The following DST variants were observed in gnomAD, a reference collection of about 807,000 sequenced individuals.
DST encodes the protein dystonin.
A neutral mutation model predicts 875.2 loss-of-function variants in DST; 253 were observed. That is an observed-to-expected ratio of 0.29 (90% CI 0.26 to 0.32). The LOEUF is 0.32. Among genes scored for constraint, DST ranks in the 10% least tolerant of loss-of-function variants. DST has a pLI of 1.00. For missense variants in DST, 8,287 were observed against 9,111.6 expected, an observed-to-expected ratio of 0.91 and a Z score of 3.68; for synonymous variants, 3,124 against 3,197.1, an observed-to-expected ratio of 0.98 and a Z score of 0.77.
chr6:56,532,910 G>T (rs2096921715), intron 63 of DST, among the ~76,000 whole-genome samples: 1 of 152,086 alleles, frequency 6.6e-6, no homozygotes, highest in Non-Finnish European at 1.5e-5. Context: ...GATACAAAAG[G>T]TTCCTATAAA....
In DST at chr6:56,476,129, T is replaced by G. The variant is rs769404548; in HGVS notation, c.21864+20A>C. On this transcript the variant is annotated intron_variant, in intron 92 of 103. Transcript: ENST00000680361. Reference sequence around the variant, plus strand: ...ATCTGAGATAATGGTTAACAGGAGTTAGGATTATATTTATTTTACCTGGTG... The same window carrying G: ...ATCTGAGATAATGGTTAACAGGAGTGAGGATTATATTTATTTTACCTGGTG... 2.5e-5 allele frequency: 40 copies of G among 1,572,876 alleles called. No homozygotes were observed. The highest frequency in any genetic ancestry group is 3.3e-5 in the Non-Finnish European group (38 of 1,155,490).
intron 15 of DST, 185 bp from the exon 16 acceptor site, chr6:56,642,688 A>G: frequency 6.2e-7 from 1 of 1,614,158 alleles, no homozygotes; most frequent in Non-Finnish European, 8.5e-7. Context: ...ACCACAATGA[A>G]CCAAGAGAAG....
At chr6:56,919,526 C>T (rs891544041) in intron 2 of DST, among the ~76,000 whole-genome samples, 3 of 151,928 alleles carry the variant, frequency 2.0e-5, no homozygotes, top group Non-Finnish European at 4.4e-5. Flanking sequence ...CAGAAAATTC[C>T]AAAATATAAA....
At chr6:56,650,085 T>C (rs1027803407) in intron 12 of DST, among the ~76,000 whole-genome samples, 2 of 151,842 alleles carry the variant, frequency 1.3e-5, no homozygotes, top group East Asian at 3.9e-4. Flanking sequence ...AGGAAGAATA[T>C]GGAAACAGGT....
chr6:56,501,343 C>T (rs1001215428), intron 79 of DST, 108 bp from the exon 80 acceptor site: 35 of 1,275,314 alleles, frequency 2.7e-5, no homozygotes, highest in African/African-American at 1.4e-4. Flanking sequence ...AGTCCATAAA[C>T]GTATCCAGTG....
At chr6:56,576,308 G>C (rs552825107) in intron 50 of DST, among the ~76,000 whole-genome samples, 2 of 152,236 alleles carry the variant, frequency 1.3e-5, no homozygotes, top group Non-Finnish European at 2.9e-5. Flanking sequence ...TGTAAGTAAA[G>C]TCTTTCTCTG....
intron 9 of DST, among the ~76,000 whole-genome samples, chr6:56,682,715 T>C (rs2099162766): frequency 6.6e-6 from 1 of 152,350 alleles, no homozygotes; most frequent in South Asian, 2.1e-4. Context: ...ACCAGACATA[T>C]GCCTGCTCAT....
rs192204809 is a variant in DST at position 56,808,971 on chromosome 6, G to A, written c.625+42426C>T. Among the ~76,000 whole-genome samples the A allele has an allele frequency of 1.5e-4, 23 of 152,204 alleles. No individual in the cohort carries two copies. In the East Asian group the frequency reaches 3.5e-3, roughly 23 times the overall value. On this transcript the variant is annotated intron_variant, in intron 4 of 103. Transcript: ENST00000680361. ...CTGCCTAATGTGAATCCCACAGTGCGGTGCAGCCTTCCTCATCACCCACAC... is the reference window on the plus strand; with the variant it reads ...CTGCCTAATGTGAATCCCACAGTGCAGTGCAGCCTTCCTCATCACCCACAC...
In DST at chr6:56,735,033, C is replaced by T. The variant is rs1008403166; in HGVS notation, c.687+195G>A. The T allele has an allele frequency of 5.5e-6, 3 of 548,550 alleles. No homozygotes were observed. In the African/African-American group the frequency reaches 5.8e-5, roughly 11 times the overall value. The allele number at this position is 548,550 out of a possible 1,614,324, so 34.0% of individuals were successfully genotyped here. On this transcript the variant is annotated intron_variant, in intron 5 of 103. Transcript: ENST00000680361. The stretch of plus-strand genomic sequence containing the variant: ...TGCACTGAAATCACTGGGTACTTAC[C>T]TATCCACCTCCATCATTACCCACCG...
chr6:56,645,891 T>G lies in DST; in HGVS notation c.1753A>C (p.Lys585Gln). The change falls in exon 15 of 104, where the codon AAG becomes CAG. Residue 585 changes from lysine (K) to glutamine (Q), a missense_variant. Lys to Gln is a moderately conservative substitution (Grantham distance 53). Transcript: ENST00000680361. The stretch of plus-strand genomic sequence containing the variant: ...CTTTCTACTTCTGGACGAAGGGCCT[T>G]CTCTCTCTCTAGCATGGCAATAATG... Reference protein sequence around the residue: ...KLIIAMLEREKALRPEVERLE... With the variant: ...KLIIAMLEREQALRPEVERLE... The G allele has an allele frequency of 6.2e-7, 1 of 1,612,694 alleles. No homozygotes were observed. Among genetic ancestry groups the G allele is most frequent in the Non-Finnish European group, 8.5e-7 (1 of 1,179,076 alleles).
intron 94 of DST, 84 bp from the exon 95 acceptor site, chr6:56,471,352 T>C (rs2094881777): frequency 1.9e-6 from 2 of 1,035,182 alleles, no homozygotes; most frequent in Non-Finnish European, 2.8e-6. Context: ...TTGAAATGAT[T>C]CTCTAGGTAG....
chr6:56,579,853 G>A (rs765608684), intron 49 of DST, among the ~76,000 whole-genome samples: 48 of 152,214 alleles, frequency 3.2e-4, no homozygotes, highest in Non-Finnish European at 5.7e-4. Flanking sequence ...GGGTTGAGAT[G>A]CTCAGGGCTG....
At chr6:56,550,410 C>G (rs7759875) in intron 61 of DST, among the ~76,000 whole-genome samples, 1 of 152,100 alleles carries the variant, frequency 6.6e-6, no homozygotes, top group Non-Finnish European at 1.5e-5. Context: ...TATTTCTTCA[C>G]AATCAAATAA....
chr6:56,646,235 A>G, intron 13 of DST, 53 bp from the exon 14 acceptor site: 1 of 1,028,848 alleles, frequency 9.7e-7, no homozygotes, highest in Non-Finnish European at 1.4e-6. Flanking sequence ...ATCTGTTTTC[A>G]TGATCTCACT....
chr6:56,828,881 G>T (rs752397477), intron 4 of DST, among the ~76,000 whole-genome samples: 6 of 152,120 alleles, frequency 3.9e-5, no homozygotes, highest in Non-Finnish European at 7.4e-5. Context: ...TGTTAATGGG[G>T]AGGAGGGGAA....
intron 2 of DST, among the ~76,000 whole-genome samples, chr6:56,948,506 C>T (rs1820782533): frequency 6.6e-6 from 1 of 152,172 alleles, no homozygotes; most frequent in African/African-American, 2.4e-5. Context: ...GCTCAGGGTT[C>T]CATCGGGCTA....
chr6:56,924,173 C>T (rs1321825967), intron 2 of DST, among the ~76,000 whole-genome samples: 2 of 152,160 alleles, frequency 1.3e-5, no homozygotes. Context: ...GACCAAGTAC[C>T]TGGGTACCCC....
intron 36 of DST, chr6:56,616,952 T>G: frequency 6.2e-7 from 1 of 1,604,268 alleles, no homozygotes; most frequent in Non-Finnish European, 8.5e-7. Flanking sequence ...AGCCTGAGCT[T>G]CTAAAAATGC....
At chr6:56,807,902 T>A (rs1002217217) in intron 4 of DST, among the ~76,000 whole-genome samples, 2 of 152,188 alleles carry the variant, frequency 1.3e-5, no homozygotes, top group Non-Finnish European at 2.9e-5. Context: ...AATAAAAATT[T>A]TTTGCTGGTC....
Sources: gnomAD v4.1 joint callset for allele counts (sites outside exome capture counted in the v4.1 genomes callset) on GRCh38, gnomAD v4.1.1 for gene constraint, MANE v1.5 for transcripts, NCBI Gene and HGNC (gene_info 2026-07-23, HGNC 2026-07-21) for gene names.